DLG2: variants seen among roughly 807,000 people sequenced by gnomAD.
DLG2 encodes the protein disks large homolog 2.
Under a neutral mutation model 132.5 loss-of-function variants are expected in DLG2, and 45 were observed. The ratio of observed to expected loss-of-function variants is 0.34; its 90% CI spans 0.27 to 0.44. The LOEUF (loss-of-function observed/expected upper bound fraction) is 0.44, where lower values mean the gene tolerates loss of function less well. DLG2 is among the 20% of genes least tolerant of loss of function. The probability of loss-of-function intolerance (pLI) is 1.00; values close to 1 mark genes in which losing one functional copy is unlikely to be tolerated. For missense variants in DLG2, 1,045 were observed against 1,196.9 expected, an observed-to-expected ratio of 0.87 and a Z score of 1.87; for synonymous variants, 424 against 419.6, an observed-to-expected ratio of 1.01 and a Z score of -0.13.
intron 6 of DLG2, among the ~76,000 whole-genome samples, chr11:84,888,046 A>T (rs569019490): frequency 6.6e-6 from 1 of 152,254 alleles, no homozygotes; most frequent in Non-Finnish European, 1.5e-5. Flanking sequence ...TGGCCCTCTC[A>T]TTGATTCATA....
Position 85,060,704 on chromosome 11 carries a change from G to C in DLG2, c.357+50957C>G, listed in dbSNP as rs1453282637. ...CTTTTGGATAAATACACAGACGTGA[G>C]ATTGGTGGGTCATATGAAAATTAAA... On this transcript the variant is annotated intron_variant, in intron 6 of 27. Coordinates refer to ENST00000376104, the MANE Select transcript of DLG2 (RefSeq NM_001142699.3). Among the ~76,000 whole-genome samples, 6 of 151,674 alleles carry C rather than the reference G, an allele frequency of 4.0e-5. No homozygotes were observed. In the East Asian group the frequency reaches 5.8e-4, roughly 15 times the overall value.
At position 85,230,173 on chromosome 11, in the gene DLG2, G is replaced by C. The variant is rs61907840; in HGVS notation, c.186+55047C>G. ...AGACTGTTAACTAAATGTTAACAAT[G>C]GCTATCTCTCAGGGGTAGGATTACA... On this transcript the variant is annotated intron_variant, in intron 4 of 27. Transcript: ENST00000376104. Among the ~76,000 whole-genome samples, 928 of 152,032 alleles carry C rather than the reference G, an allele frequency of 6.1e-3. 4 individuals carry two copies. Among genetic ancestry groups the C allele is most frequent in the Middle Eastern group, 0.014 (4 of 294 alleles).
chr11:84,631,272 A>T (rs1232090858), intron 6 of DLG2, among the ~76,000 whole-genome samples: 1 of 148,260 alleles, frequency 6.7e-6, no homozygotes, highest in Non-Finnish European at 1.5e-5. Flanking sequence ...ATAAAAAAAA[A>T]TCTAATCCAT....
chr11:84,329,176 C>T (rs1046701592), intron 7 of DLG2, among the ~76,000 whole-genome samples: 2 of 152,138 alleles, frequency 1.3e-5, no homozygotes, highest in Non-Finnish European at 2.9e-5. Flanking sequence ...AAGGCAAGAA[C>T]TATCCTTTAT....
At chr11:84,494,015 G>A (rs1173713961) in intron 7 of DLG2, among the ~76,000 whole-genome samples, 1 of 152,150 alleles carries the variant, frequency 6.6e-6, no homozygotes, top group Non-Finnish European at 1.5e-5. Context: ...TGGTTTAAAA[G>A]CAGACAGGGT....
chr11:83,718,556 GAAAA>G (rs57801736), intron 18 of DLG2, among the ~76,000 whole-genome samples: 2 of 128,508 alleles, frequency 1.6e-5, no homozygotes, highest in Non-Finnish European at 3.4e-5. Context: ...AAAAAAGAAA[GAAAA>G]AAAGAAATAT....
At chr11:85,145,294 G>A (rs1407077802) in intron 5 of DLG2, among the ~76,000 whole-genome samples, 1 of 152,042 alleles carries the variant, frequency 6.6e-6, no homozygotes, top group African/African-American at 2.4e-5. Flanking sequence ...ATTATTAAAT[G>A]TGTTGAAGTA....
At chr11:83,790,774 C>T in intron 17 of DLG2, 1 of 760,190 alleles carries the variant, frequency 1.3e-6, no homozygotes, top group Non-Finnish European at 2.4e-6. Context: ...TTCTGGTCTG[C>T]CTGACTCTCA....
At chr11:85,592,822 G>A (rs1307373585) in intron 3 of DLG2, among the ~76,000 whole-genome samples, 2 of 151,868 alleles carry the variant, frequency 1.3e-5, no homozygotes, top group African/African-American at 4.8e-5. Flanking sequence ...GCATGACTGC[G>A]CATACCAGTA....
intron 6 of DLG2, among the ~76,000 whole-genome samples, chr11:85,060,926 T>C (rs1168035791): frequency 1.3e-5 from 2 of 151,338 alleles, no homozygotes; most frequent in African/African-American, 4.8e-5. Flanking sequence ...TTTTTAATGG[T>C]CATCTTAACA....
At chr11:84,244,785 C>T (rs1160341014) in intron 8 of DLG2, among the ~76,000 whole-genome samples, 3 of 152,188 alleles carry the variant, frequency 2.0e-5, no homozygotes, top group Non-Finnish European at 2.9e-5. Context: ...GATAAATGTA[C>T]TAAAATCAGC....
At chr11:84,714,623 T>TTCTCTTTCTCTCTCTCTCTCTCTC (rs2060951658) in intron 6 of DLG2, among the ~76,000 whole-genome samples, 1 of 104,994 alleles carries the variant, frequency 9.5e-6, no homozygotes, top group African/African-American at 4.3e-5. Context: ...CTCTTTCTCT[T>TTCTCTTTCTCTCTCTCTCTCTCTC]TCTCTCTCTC....
intron 17 of DLG2, among the ~76,000 whole-genome samples, chr11:83,822,262 T>C (rs2153983069): frequency 6.6e-6 from 1 of 152,274 alleles, no homozygotes; most frequent in East Asian, 1.9e-4. Context: ...CTTCTCCTTT[T>C]ATTCTCTCAG....
At chr11:83,654,482 A>G (rs1377798950) in intron 18 of DLG2, among the ~76,000 whole-genome samples, 1 of 152,060 alleles carries the variant, frequency 6.6e-6, no homozygotes, top group Non-Finnish European at 1.5e-5. Context: ...ATTCTAACAA[A>G]TCTTCATGAC....
At chr11:84,122,250 G>T (rs548705987) in intron 9 of DLG2, among the ~76,000 whole-genome samples, 3 of 152,190 alleles carry the variant, frequency 2.0e-5, no homozygotes, top group African/African-American at 7.2e-5. Flanking sequence ...AATCCAGGAG[G>T]CAGAGGTTAC....
chr11:84,523,419 A>T (rs1012001124), intron 7 of DLG2, among the ~76,000 whole-genome samples: 1 of 152,212 alleles, frequency 6.6e-6, no homozygotes, highest in African/African-American at 2.4e-5. Flanking sequence ...GCTTTCCACT[A>T]TATGCTATTA....
At chr11:85,387,880 A>G (rs1403162356) in intron 3 of DLG2, among the ~76,000 whole-genome samples, 1 of 152,184 alleles carries the variant, frequency 6.6e-6, no homozygotes, top group East Asian at 1.9e-4. Context: ...GCATTTGGAA[A>G]CCCACGTCAT....
chr11:84,586,705 A>C (rs2099530879), intron 6 of DLG2, among the ~76,000 whole-genome samples: 1 of 151,672 alleles, frequency 6.6e-6, no homozygotes, highest in Non-Finnish European at 1.5e-5. Context: ...TTTTTGATTG[A>C]TTAGAATTTT....
chr11:84,223,263 C>T (rs564725862), intron 8 of DLG2, among the ~76,000 whole-genome samples: 7 of 152,142 alleles, frequency 4.6e-5, no homozygotes, highest in South Asian at 2.1e-4. Flanking sequence ...ATCATGGAAT[C>T]GAGTAAAATG....
Sources: gnomAD v4.1 joint callset for allele counts (sites outside exome capture counted in the v4.1 genomes callset) on GRCh38, gnomAD v4.1.1 for gene constraint, MANE v1.5 for transcripts, NCBI Gene and HGNC (gene_info 2026-07-23, HGNC 2026-07-21) for gene names.